PDSS2: variants seen among roughly 807,000 people sequenced by gnomAD.
The protein encoded by PDSS2 is decaprenyl diphosphate synthase subunit 2, also known as all trans-polyprenyl-diphosphate synthase PDSS2.
PDSS2 carries 31 observed loss-of-function variants against 44.5 expected under a neutral mutation model. The ratio of observed to expected loss-of-function variants is 0.70; its 90% CI spans 0.52 to 0.94. The LOEUF is 0.94. Among genes scored for constraint, PDSS2 ranks in the 40% least tolerant of loss-of-function variants. The pLI, the probability that PDSS2 is intolerant of heterozygous loss-of-function variation, is 0.00. For synonymous variants in PDSS2, 157 were observed against 180.3 expected (o/e 0.87, Z 1.03); for missense variants, 452 against 482.2 (o/e 0.94, Z 0.59).
intron 2 of PDSS2, among the ~76,000 whole-genome samples, chr6:107,290,527 A>AC (rs1181182004): frequency 1.3e-5 from 2 of 149,364 alleles, no homozygotes; most frequent in Non-Finnish European, 1.5e-5. Context: ...CAATTTCTCC[A>AC]CCCCCCGCCT....
intron 1 of PDSS2, among the ~76,000 whole-genome samples, chr6:107,418,238 G>A (rs1460151311): frequency 6.6e-6 from 1 of 152,162 alleles, no homozygotes. Flanking sequence ...ATAACCACAG[G>A]GGTGCTCAAA....
intron 1 of PDSS2, among the ~76,000 whole-genome samples, chr6:107,372,058 T>C (rs570027595): frequency 4.5e-4 from 69 of 152,304 alleles, no homozygotes; most frequent in African/African-American, 1.6e-3. Flanking sequence ...TTTTACACAA[T>C]AGAGATTTTA....
intron 3 of PDSS2, among the ~76,000 whole-genome samples, chr6:107,266,965 A>G (rs867008363): frequency 2.4e-4 from 36 of 152,372 alleles, no homozygotes; most frequent in South Asian, 4.1e-4. Context: ...AAAAAGGAAC[A>G]TGTTAAATAT....
chr6:107,233,520 T>C (rs958419187), intron 4 of PDSS2, among the ~76,000 whole-genome samples: 1 of 152,090 alleles, frequency 6.6e-6, no homozygotes, highest in Non-Finnish European at 1.5e-5. Context: ...TTAATTAGAA[T>C]CCAGTGAGAG....
At chr6:107,375,266 CA>C (rs1328598325) in intron 1 of PDSS2, among the ~76,000 whole-genome samples, 1 of 151,242 alleles carries the variant, frequency 6.6e-6, no homozygotes, top group Non-Finnish European at 1.5e-5. Context: ...AACAGAAAAA[CA>C]AAAGAGAAAA....
chr6:107,345,863 G>A (rs1778229979), intron 1 of PDSS2, among the ~76,000 whole-genome samples: 1 of 152,174 alleles, frequency 6.6e-6, no homozygotes, highest in Non-Finnish European at 1.5e-5. Context: ...GAAATCGGAA[G>A]TGACAGTGAT....
intron 1 of PDSS2, among the ~76,000 whole-genome samples, chr6:107,339,227 T>G (rs1266930560): frequency 6.6e-6 from 1 of 152,240 alleles, no homozygotes; most frequent in African/African-American, 2.4e-5. Flanking sequence ...TCTTACTCTG[T>G]GATTCTATAT....
chr6:107,402,175 G>A (rs944423463), intron 1 of PDSS2, among the ~76,000 whole-genome samples: 3 of 151,600 alleles, frequency 2.0e-5, no homozygotes, highest in Non-Finnish European at 2.9e-5. Context: ...AGCTACTCAG[G>A]AGGCTGAGGC....
chr6:107,210,590 G>A lies in PDSS2; in HGVS notation c.877-20C>T, dbSNP rs138097933. ...ATTTATCTACAAGAAGCAATTAAAT[G>A]AGTAAATTAGTGAAATGTATATACA... On this transcript the variant is annotated intron_variant, in intron 5 of 7. Coordinates refer to ENST00000369037, the MANE Select transcript of PDSS2 (RefSeq NM_020381.4). 7.4e-5 allele frequency: 112 copies of A among 1,516,148 alleles called. 1 individual carries two copies. The African/African-American group carries it at 1.4e-3, about 19-fold the overall frequency. The allele number at this position is 1,516,148 out of a possible 1,614,324, so 93.9% of individuals were successfully genotyped here. A position where few individuals can be genotyped will look rare whatever the true frequency, so the allele number is the denominator to read the frequency against.
At chr6:107,402,290 A>C (rs1289311087) in intron 1 of PDSS2, among the ~76,000 whole-genome samples, 2 of 150,358 alleles carry the variant, frequency 1.3e-5, no homozygotes, top group Non-Finnish European at 1.5e-5. Context: ...AAAAAAAAAC[A>C]AACCAACAAA....
At chr6:107,196,997 C>A (rs1772585964) in intron 6 of PDSS2, among the ~76,000 whole-genome samples, 1 of 152,124 alleles carries the variant, frequency 6.6e-6, no homozygotes, top group East Asian at 1.9e-4. Context: ...ACTCCACGCC[C>A]CTTCCCACTT....
chr6:107,257,488 A>G (rs1454669389), intron 3 of PDSS2, among the ~76,000 whole-genome samples: 1 of 150,580 alleles, frequency 6.6e-6, no homozygotes, highest in Non-Finnish European at 1.5e-5. Flanking sequence ...AGTGAGTGAC[A>G]ATAGCCCCAC....
intron 2 of PDSS2, among the ~76,000 whole-genome samples, chr6:107,308,509 GA>G (rs1582921911): frequency 6.6e-6 from 1 of 152,130 alleles, no homozygotes; most frequent in East Asian, 1.9e-4. Flanking sequence ...ACAATACAAT[GA>G]AATGAAAAGA....
intron 1 of PDSS2, among the ~76,000 whole-genome samples, chr6:107,410,181 G>T (rs1300652103): frequency 6.6e-6 from 1 of 152,174 alleles, no homozygotes; most frequent in African/African-American, 2.4e-5. Context: ...AATAGAAAAT[G>T]CTGAAGTTAG....
intron 1 of PDSS2, among the ~76,000 whole-genome samples, chr6:107,388,581 C>T (rs563866497): frequency 6.6e-6 from 1 of 151,886 alleles, no homozygotes; most frequent in Non-Finnish European, 1.5e-5. Flanking sequence ...CCTGGGACTA[C>T]AGGAGTAGGT....
chr6:107,448,756 T>A (rs1361560621), intron 1 of PDSS2, among the ~76,000 whole-genome samples: 1 of 152,204 alleles, frequency 6.6e-6, no homozygotes, highest in African/African-American at 2.4e-5. Context: ...CACATTGCTC[T>A]AAGGAGATGC....
At chr6:107,201,865 C>CACTCATTT (rs1772790318) in intron 6 of PDSS2, among the ~76,000 whole-genome samples, 1 of 152,118 alleles carries the variant, frequency 6.6e-6, no homozygotes, top group South Asian at 2.1e-4. Flanking sequence ...ATACAATGAA[C>CACTCATTT]ACTCATTTTC....
intron 2 of PDSS2, among the ~76,000 whole-genome samples, chr6:107,280,232 T>C (rs1233486482): frequency 6.6e-6 from 1 of 152,138 alleles, no homozygotes; most frequent in Non-Finnish European, 1.5e-5. Flanking sequence ...GCTAAGTTTT[T>C]TGTATTTTTA....
At chr6:107,357,175 C>G (rs1359197270) in intron 1 of PDSS2, among the ~76,000 whole-genome samples, 4 of 152,124 alleles carry the variant, frequency 2.6e-5, no homozygotes, top group African/African-American at 9.7e-5. Context: ...CACAGCATCA[C>G]AGGAACTCTA....
Sources: allele counts gnomAD v4.1 joint callset (sites outside exome capture counted in the v4.1 genomes callset), GRCh38; gene constraint gnomAD v4.1.1; transcripts MANE v1.5; gene names NCBI Gene and HGNC (gene_info 2026-07-23, HGNC 2026-07-21).